TCERG1L: variants seen among roughly 807,000 people sequenced by gnomAD.
TCERG1L encodes the protein transcription elongation regulator 1-like protein.
A neutral mutation model predicts 56.3 loss-of-function variants in TCERG1L; 37 were observed. The ratio of observed to expected loss-of-function variants is 0.66; its 90% CI spans 0.51 to 0.87. The LOEUF (loss-of-function observed/expected upper bound fraction) is 0.87, where lower values mean the gene tolerates loss of function less well. TCERG1L is among the 40% of genes least tolerant of loss of function. The probability of loss-of-function intolerance (pLI) is 0.00; values close to 1 mark genes in which losing one functional copy is unlikely to be tolerated. For missense variants in TCERG1L, 799 were observed against 774.2 expected (o/e 1.03, Z -0.38); for synonymous variants, 324 against 326.3 (o/e 0.99, Z 0.08).
At chr10:131,106,558 G>T (rs544406468) in intron 9 of TCERG1L, among the ~76,000 whole-genome samples, 13 of 152,292 alleles carry the variant, frequency 8.5e-5, no homozygotes, top group African/African-American at 3.1e-4. Context: ...TGAAGGTGCA[G>T]GGAAGTGGCA....
At chr10:131,120,793 T>A (rs957298273) in intron 8 of TCERG1L, among the ~76,000 whole-genome samples, 1 of 152,206 alleles carries the variant, frequency 6.6e-6, no homozygotes. Context: ...GTGGATTCAG[T>A]GAGATGGTCC....
intron 4 of TCERG1L, among the ~76,000 whole-genome samples, chr10:131,235,831 T>A (rs1845906883): frequency 6.6e-6 from 1 of 152,236 alleles, no homozygotes; most frequent in African/African-American, 2.4e-5. Flanking sequence ...CACATCTTGC[T>A]CTGTACTTCT....
intron 4 of TCERG1L, among the ~76,000 whole-genome samples, chr10:131,208,154 A>G (rs1373388150): frequency 6.6e-6 from 1 of 152,206 alleles, no homozygotes; most frequent in Admixed American, 6.5e-5. Flanking sequence ...TATGACCGTC[A>G]CTAGTCACCT....
chr10:131,107,520 C>T (rs1053540895), intron 9 of TCERG1L, among the ~76,000 whole-genome samples: 1 of 152,046 alleles, frequency 6.6e-6, no homozygotes, highest in Non-Finnish European at 1.5e-5. Context: ...GAGGTGGGGG[C>T]TGAAGTGAAG....
rs142015807 is a variant in TCERG1L at position 131,108,191 on chromosome 10, A to G, written c.1396-3837T>C. Among the ~76,000 whole-genome samples, 1,031 of 152,344 alleles carry G rather than the reference A, an allele frequency of 6.8e-3. 5 individuals are homozygous for G. The highest frequency in any genetic ancestry group is 0.01 in the Non-Finnish European group (709 of 68,032). On this transcript the variant is annotated intron_variant, in intron 9 of 11. Coordinates refer to ENST00000368642, the MANE Select transcript of TCERG1L (RefSeq NM_174937.4). ...CCAGAATGACTGGAATGCACTGGGA[A>G]TGCAACAGACTGAGAACAGCCAGGC...
chr10:131,249,165 A>G (rs538144563), intron 4 of TCERG1L, among the ~76,000 whole-genome samples: 1 of 152,362 alleles, frequency 6.6e-6, no homozygotes, highest in East Asian at 1.9e-4. Context: ...GGGCTGGGAC[A>G]AAATGATTTA....
intron 7 of TCERG1L, among the ~76,000 whole-genome samples, chr10:131,138,690 G>A (rs866037666): frequency 4.6e-5 from 7 of 152,158 alleles, no homozygotes; most frequent in Admixed American, 6.5e-5. Flanking sequence ...GGGGAAAATC[G>A]TTGTGACACT....
At chr10:131,271,971 T>A (rs181861521) in intron 3 of TCERG1L, among the ~76,000 whole-genome samples, 2 of 152,324 alleles carry the variant, frequency 1.3e-5, no homozygotes, top group East Asian at 3.9e-4. Flanking sequence ...GGTAACCATT[T>A]CTGCAGAAAT....
chr10:131,231,758 C>T (rs1283432489), intron 4 of TCERG1L, among the ~76,000 whole-genome samples: 2 of 152,070 alleles, frequency 1.3e-5, no homozygotes, highest in African/African-American at 2.4e-5. Context: ...CAATAAAATA[C>T]GATTTTACTT....
At chr10:131,200,807 T>C (rs1018291164) in intron 4 of TCERG1L, among the ~76,000 whole-genome samples, 4 of 152,140 alleles carry the variant, frequency 2.6e-5, no homozygotes, top group African/African-American at 9.7e-5. Context: ...CTCTAAAATT[T>C]AGAAGTTAAA....
chr10:131,113,020 G>A (rs7081331), intron 9 of TCERG1L, among the ~76,000 whole-genome samples: 15,731 of 142,208 alleles, frequency 0.11, 2,918 homozygotes, highest in African/African-American at 0.18. Context: ...GTGGGTGAGC[G>A]TGGATGGGAG....
At chr10:131,163,301 T>G in intron 5 of TCERG1L, 91 bp from the exon 6 acceptor site, 7 of 1,068,640 alleles carry the variant, frequency 6.6e-6, no homozygotes, top group Non-Finnish European at 6.6e-6. Context: ...ACAAATCTCC[T>G]GCAGGCAGGC....
chr10:131,097,246 G>A (rs1307548964), intron 11 of TCERG1L, among the ~76,000 whole-genome samples: 1 of 150,222 alleles, frequency 6.7e-6, no homozygotes, highest in Non-Finnish European at 1.5e-5. Context: ...AACTGATGCT[G>A]CATCTTCCAG....
chr10:131,299,993 T>C (rs541413122), intron 3 of TCERG1L, among the ~76,000 whole-genome samples: 1 of 152,308 alleles, frequency 6.6e-6, no homozygotes, highest in African/African-American at 2.4e-5. Flanking sequence ...ACTCTTCTTT[T>C]GTGTAGAGGT....
At position 131,093,225 on chromosome 10, in the gene TCERG1L, T is replaced by C; in HGVS notation, c.1698A>G (p.Gln566=). The change falls in exon 12 of 12, where the codon CAA becomes CAG. Residue 566 remains glutamine, a synonymous_variant. Transcript: ENST00000368642. The stretch of plus-strand genomic sequence containing the variant: ...CCCGTTTCTTAAGAATAAGTATGAA[T>C]TGGTTGAAAAAATGCTCCTGGTCCT... ...KRKDQEHFFN[Q]FILILKKRDK... 6.2e-7 allele frequency: 1 copy of C among 1,613,930 alleles called. No individual in the cohort carries two copies. Among genetic ancestry groups the C allele is most frequent in the Non-Finnish European group, 8.5e-7 (1 of 1,179,844 alleles).
intron 10 of TCERG1L, among the ~76,000 whole-genome samples, chr10:131,101,476 GAAC>G (rs759935417): frequency 5.9e-5 from 9 of 152,364 alleles, no homozygotes; most frequent in South Asian, 4.1e-4. Flanking sequence ...CACAGAGAGA[GAAC>G]AACTGGCAAC....
At chr10:131,126,095 C>T (rs1219044532) in intron 8 of TCERG1L, among the ~76,000 whole-genome samples, 1 of 152,222 alleles carries the variant, frequency 6.6e-6, no homozygotes, top group Non-Finnish European at 1.5e-5. Flanking sequence ...CTCCTGACTG[C>T]CTAGCACCCC....
intron 3 of TCERG1L, among the ~76,000 whole-genome samples, chr10:131,286,910 C>A (rs1846549562): frequency 6.6e-6 from 1 of 152,198 alleles, no homozygotes; most frequent in South Asian, 2.1e-4. Context: ...CCTGGGCTAG[C>A]CCAGATCGAG....
At chr10:131,285,118 C>A (rs574751021) in intron 3 of TCERG1L, among the ~76,000 whole-genome samples, 10 of 152,250 alleles carry the variant, frequency 6.6e-5, no homozygotes, top group African/African-American at 2.4e-4. Flanking sequence ...TGGCTCACAC[C>A]TTTAATCCCA....
Sources: gnomAD v4.1 joint callset for allele counts (sites outside exome capture counted in the v4.1 genomes callset) on GRCh38, gnomAD v4.1.1 for gene constraint, MANE v1.5 for transcripts, NCBI Gene and HGNC (gene_info 2026-07-23, HGNC 2026-07-21) for gene names.